The following KHDC1 variants were observed in gnomAD, a reference collection of about 807,000 sequenced individuals.
KHDC1 encodes the protein KH homology domain-containing protein 1.
KHDC1 carries 21 observed loss-of-function variants against 24.7 expected under a neutral mutation model. That is an observed-to-expected ratio of 0.85 (90% confidence interval 0.60 to 1.23). The LOEUF (loss-of-function observed/expected upper bound fraction) is 1.23, where lower values mean the gene tolerates loss of function less well. Ranked by LOEUF, KHDC1 falls within the 50% of genes most tolerant of loss-of-function variation. The pLI is 0.00. For missense variants in KHDC1, 274 were observed against 298.5 expected (o/e 0.92, Z 0.61); for synonymous variants, 98 against 111.7 (o/e 0.88, Z 0.77).
chr6:73,272,851 CTTTTCT>C (rs1442064758), intron 2 of KHDC1, among the ~76,000 whole-genome samples: 2 of 139,752 alleles, frequency 1.4e-5, no homozygotes, highest in African/African-American at 5.8e-5. Flanking sequence ...CTTTTCTTTT[CTTTTCT>C]TTTTCTTTTT....
At position 73,242,263 on chromosome 6, in the gene KHDC1, G is replaced by T. The variant is rs1359771068; in HGVS notation, c.332-26C>A. 5.0e-6 allele frequency: 8 copies of T among 1,608,738 alleles called. No homozygotes were observed. The East Asian group carries it at 1.8e-4, about 36-fold the overall frequency. ...CTGTGAGCATAAGAGGTGAGAGGAG[G>T]TTCTGTCAAGCACCAGCCCTTAGGG... On this transcript the variant is annotated intron_variant, in intron 3 of 4. Transcript: ENST00000370384.
intron 2 of KHDC1, among the ~76,000 whole-genome samples, chr6:73,245,841 C>A (rs1477138420): frequency 6.6e-6 from 1 of 152,104 alleles, no homozygotes; most frequent in Admixed American, 6.6e-5. Context: ...ATCAGCAAAA[C>A]CTTCGCTGTC....
In KHDC1 at chr6:73,242,645, A is replaced by G. The variant is rs538090702; in HGVS notation, c.207-115T>C. On this transcript the variant is annotated intron_variant, in intron 2 of 4. Transcript: ENST00000370384. ...AACCCAACAACCTGCCCCTTGAACTACCTTAGGGTGGGTGTACAATCCCGG... is the reference window on the plus strand; with the variant it reads ...AACCCAACAACCTGCCCCTTGAACTGCCTTAGGGTGGGTGTACAATCCCGG... The G allele has an allele frequency of 1.2e-5, 16 of 1,280,542 alleles. No homozygotes were observed. The African/African-American group carries it at 2.1e-4, about 17-fold the overall frequency. The allele number at this position is 1,280,542 out of a possible 1,614,324, so 79.3% of individuals were successfully genotyped here. A position where few individuals can be genotyped will look rare whatever the true frequency, so the allele number is the denominator to read the frequency against.
At chr6:73,252,040 C>CT (rs112248383) in intron 2 of KHDC1, among the ~76,000 whole-genome samples, 2,170 of 132,716 alleles carry the variant, frequency 0.016, 45 homozygotes, top group African/African-American at 0.049. Flanking sequence ...TAAATCATAT[C>CT]TTTTTTTTTT....
At chr6:73,294,255 C>T (rs1185572672) in intron 1 of KHDC1, among the ~76,000 whole-genome samples, 2 of 152,086 alleles carry the variant, frequency 1.3e-5, no homozygotes, top group African/African-American at 4.8e-5. Flanking sequence ...GCTGTGTCCC[C>T]AGCATAAACA....
chr6:73,267,586 G>A (rs1306678014), intron 2 of KHDC1, among the ~76,000 whole-genome samples: 3 of 152,218 alleles, frequency 2.0e-5, no homozygotes, highest in African/African-American at 7.2e-5. Context: ...ATAAAATGGT[G>A]CAGCCACTGT....
chr6:73,281,612 C>T (rs79147895), intron 2 of KHDC1, among the ~76,000 whole-genome samples: 14,106 of 133,014 alleles, frequency 0.11, 718 homozygotes, highest in Non-Finnish European at 0.11. Flanking sequence ...AGTGAAACTT[C>T]GTCTCAAAAA....
At chr6:73,304,685 T>A (rs1489946849) in intron 1 of KHDC1, among the ~76,000 whole-genome samples, 1 of 152,190 alleles carries the variant, frequency 6.6e-6, no homozygotes, top group East Asian at 1.9e-4. Flanking sequence ...TTAAGTAAAA[T>A]CAAAGAAAAG....
chr6:73,283,760 G>A (rs551772115), intron 2 of KHDC1, among the ~76,000 whole-genome samples: 2 of 150,562 alleles, frequency 1.3e-5, no homozygotes, highest in Admixed American at 1.3e-4. Flanking sequence ...ATTTTTAGTA[G>A]GGAAAGGGTT....
chr6:73,279,253 A>C (rs1292793991), intron 2 of KHDC1, among the ~76,000 whole-genome samples: 1 of 152,152 alleles, frequency 6.6e-6, no homozygotes, highest in Non-Finnish European at 1.5e-5. Flanking sequence ...CTAAAAATAC[A>C]AAAAACTTAG....
intron 2 of KHDC1, among the ~76,000 whole-genome samples, chr6:73,261,334 T>C (rs1295123784): frequency 1.3e-5 from 2 of 151,822 alleles, no homozygotes; most frequent in Non-Finnish European, 2.9e-5. Flanking sequence ...TCCCAGCTAC[T>C]TGAGAGGCTG....
At chr6:73,287,296 A>T (rs1432392383) in intron 2 of KHDC1, among the ~76,000 whole-genome samples, 1 of 152,188 alleles carries the variant, frequency 6.6e-6, no homozygotes. Context: ...CCCAAAGGCC[A>T]GTCAAGGCCA....
chr6:73,268,286 G>C (rs567887887), intron 2 of KHDC1: 1 of 153,450 alleles, frequency 6.5e-6, no homozygotes, highest in Non-Finnish European at 1.4e-5. Context: ...GGAGTTTTTC[G>C]TTCCTCCCAG....
At chr6:73,277,046 A>G (rs1322941511) in intron 2 of KHDC1, among the ~76,000 whole-genome samples, 1 of 152,178 alleles carries the variant, frequency 6.6e-6, no homozygotes, top group Non-Finnish European at 1.5e-5. Context: ...AACTTTTGTA[A>G]ATAAGGAAGA....
At chr6:73,309,819 G>C (rs933442164) in exon 1 of KHDC1, 2 of 1,358,506 alleles carry the variant, frequency 1.5e-6, no homozygotes, top group Non-Finnish European at 9.9e-7. Context: ...GACACCGACG[G>C]AGAAGCGAAG....
At chr6:73,303,396 T>C (rs73757034) in intron 1 of KHDC1, among the ~76,000 whole-genome samples, 265 of 152,216 alleles carry the variant, frequency 1.7e-3, no homozygotes, top group African/African-American at 5.9e-3. Flanking sequence ...TCAGGCAAAA[T>C]TGACCCCTGA....
chr6:73,293,642 C>T (rs186977614), intron 1 of KHDC1, among the ~76,000 whole-genome samples: 3 of 152,042 alleles, frequency 2.0e-5, no homozygotes, highest in Non-Finnish European at 2.9e-5. Flanking sequence ...CATGGTGGCA[C>T]ATGCCTGTAA....
In KHDC1 at chr6:73,265,528, C is replaced by CAAAAA. The variant is rs70994179; in HGVS notation, c.207-23003_207-22999dup. Among the ~76,000 whole-genome samples, 167 of 74,476 alleles carry CAAAAA rather than the reference C, an allele frequency of 2.2e-3. 2 individuals carry two copies. Among genetic ancestry groups the CAAAAA allele is most frequent in the African/African-American group, 2.5e-3 (49 of 19,482 alleles). The allele number at this position is 74,476 out of a possible 152,430, so 48.9% of individuals were successfully genotyped here. Reference sequence around the variant, plus strand: ...TGGGCAACTGAGCGAGACTCCGTCTCAAAAAAAAAAAAAAAAAAAAAAAAG... The same window carrying CAAAAA: ...TGGGCAACTGAGCGAGACTCCGTCTCAAAAAAAAAAAAAAAAAAAAAAAAAAAAAG... On this transcript the variant is annotated intron_variant, in intron 2 of 4. Coordinates refer to ENST00000370384, the Ensembl canonical transcript of KHDC1.
At chr6:73,277,414 A>C (rs1767317880) in intron 2 of KHDC1, among the ~76,000 whole-genome samples, 1 of 152,070 alleles carries the variant, frequency 6.6e-6, no homozygotes, top group Admixed American at 6.6e-5. Flanking sequence ...GCAGTGAGCC[A>C]AGATTGTGCC....
Sources: allele counts gnomAD v4.1 joint callset (sites outside exome capture counted in the v4.1 genomes callset), GRCh38; gene constraint gnomAD v4.1.1; transcripts MANE v1.5; gene names NCBI Gene and HGNC (gene_info 2026-07-23, HGNC 2026-07-21).